Variants in ALDH7A1 observed in about 807,000 individuals in gnomAD.
The protein encoded by ALDH7A1 is aldehyde dehydrogenase 7 family member A1.
In ALDH7A1, 63 loss-of-function variants were observed where a neutral mutation model predicts 79.9. That is an observed-to-expected ratio of 0.79 (90% confidence interval 0.64 to 0.97). ALDH7A1 has a LOEUF of 0.97. ALDH7A1 is among the 50% of genes least tolerant of loss of function. ALDH7A1 has a pLI of 0.00. For synonymous variants in ALDH7A1, 240 were observed against 231.2 expected, an observed-to-expected ratio of 1.04 and a Z score of -0.34; for missense variants, 627 against 665.2, an observed-to-expected ratio of 0.94 and a Z score of 0.63.
Position 126,570,780 on chromosome 5 carries a change from A to G in ALDH7A1, c.773+2T>C, listed in dbSNP as rs1459284131. ...GAGGATGCTCTCAGCCTAGTAACCT[A>G]CCCAATATCTGCTCCACCACAAGTC... On this transcript the variant is annotated splice_donor_variant, in intron 8 of 17. Coordinates refer to ENST00000409134, the MANE Select transcript of ALDH7A1 (RefSeq NM_001182.5). LOFTEE classifies it high-confidence loss of function. 1.2e-6 allele frequency: 2 copies of G among 1,613,786 alleles called. No individual in the cohort carries two copies. The highest frequency in any genetic ancestry group is 1.7e-6 in the Non-Finnish European group (2 of 1,179,848).
rs145706011 is a variant in ALDH7A1 at position 126,550,477 on chromosome 5, G to C, written c.1318-184C>G. ...TCATTGATAATAAGTAAAAAATTTT[G>C]GGATTTTTCCCCTAATTATCAGAAA... is the stretch of plus-strand genomic sequence containing the variant. On this transcript the variant is annotated intron_variant, in intron 14 of 17. Coordinates refer to ENST00000409134, the MANE Select transcript of ALDH7A1 (RefSeq NM_001182.5). Among the ~76,000 whole-genome samples, 554 of 146,092 alleles carry C rather than the reference G, an allele frequency of 3.8e-3. 10 individuals carry two copies. Among genetic ancestry groups the C allele is most frequent in the African/African-American group, 0.013 (517 of 41,044 alleles).
Sources: allele counts gnomAD v4.1 joint callset (sites outside exome capture counted in the v4.1 genomes callset), GRCh38; gene constraint gnomAD v4.1.1; transcripts MANE v1.5; gene names NCBI Gene and HGNC (gene_info 2026-07-23, HGNC 2026-07-21).